The following MYH14 variants were observed in gnomAD, a reference collection of about 807,000 sequenced individuals.
MYH14 encodes the protein myosin heavy chain 14, also known as myosin-14.
In MYH14, 123 loss-of-function variants were observed where a neutral mutation model predicts 255.5. That is an observed-to-expected ratio of 0.48 (90% CI 0.42 to 0.56). The LOEUF is 0.56. Among genes scored for constraint, MYH14 ranks in the 20% least tolerant of loss-of-function variants. The pLI, the probability that MYH14 is intolerant of heterozygous loss-of-function variation, is 0.00. For synonymous variants in MYH14, 1,095 were observed against 1,161.2 expected (o/e 0.94, Z 1.16); for missense variants, 2,423 against 2,802.3 (o/e 0.86, Z 3.06).
intron 40 of MYH14, among the ~76,000 whole-genome samples, chr19:50,306,235 G>A (rs992495026): frequency 2.6e-5 from 4 of 152,022 alleles, no homozygotes; most frequent in Non-Finnish European, 4.4e-5. Context: ...GCTGGAGATC[G>A]TGCCTTTGCA....
chr19:50,253,626 C>G (rs1043596418), intron 16 of MYH14, among the ~76,000 whole-genome samples: 1 of 152,082 alleles, frequency 6.6e-6, no homozygotes, highest in African/African-American at 2.4e-5. Flanking sequence ...GAGGGCTTTC[C>G]TGCCCCCAAA....
rs2048704318 is a variant in MYH14, at chr19:50,310,526, T to A, written c.*736T>A. ...CCTCCAGGCTCTGGCAGAAATAAACTCCAACCCGACTGGACCATCTCTGTG... is the reference window on the plus strand; with the variant it reads ...CCTCCAGGCTCTGGCAGAAATAAACACCAACCCGACTGGACCATCTCTGTG... On this transcript the variant is annotated 3_prime_UTR_variant, in exon 43 of 43. Transcript: ENST00000642316. 1 of 152,348 alleles carries A rather than the reference T, an allele frequency of 6.6e-6. No homozygotes were observed. The highest frequency in any genetic ancestry group is 1.5e-5 in the Non-Finnish European group (1 of 68,292). The allele number at this position is 152,348 out of a possible 1,614,324, so 9.4% of individuals were successfully genotyped here.
At chr19:50,234,710 G>T (rs977667928) in intron 10 of MYH14, among the ~76,000 whole-genome samples, 5 of 152,152 alleles carry the variant, frequency 3.3e-5, no homozygotes, top group African/African-American at 1.2e-4. Context: ...CTTAGGTCCT[G>T]CCTGGCCTCT....
intron 40 of MYH14, among the ~76,000 whole-genome samples, chr19:50,303,451 A>G (rs1464787326): frequency 6.6e-6 from 1 of 152,150 alleles, no homozygotes; most frequent in Non-Finnish European, 1.5e-5. Context: ...TGAGGCCTGC[A>G]CTTGGAACTG....
intron 19 of MYH14, 41 bp downstream of exon 19, chr19:50,259,306 G>A: frequency 1.3e-6 from 2 of 1,549,698 alleles, no homozygotes; most frequent in Non-Finnish European, 8.7e-7. Flanking sequence ...GAGGGGCTGG[G>A]TGGGACCCGG....
chr19:50,244,427 T>C (rs1035493993), intron 11 of MYH14, 90 bp downstream of exon 11: 2 of 942,954 alleles, frequency 2.1e-6, no homozygotes, highest in Non-Finnish European at 1.7e-6. Flanking sequence ...GTAGAGAGCA[T>C]CCCCCTTCCA....
Position 50,293,699 on chromosome 19 carries a change from T to A in MYH14, c.5469+12T>A, listed in dbSNP as rs1201567502. The A allele has an allele frequency of 4.5e-6, 7 of 1,556,748 alleles. No individual in the cohort carries two copies. The highest frequency in any genetic ancestry group is 2.7e-5 in the African/African-American group (2 of 73,536). ...AGCTGCTCCTGCAGGTGAGCGTGAT[T>A]GACCGCCCCCACCAGCCTCAGTCCC... is the stretch of plus-strand genomic sequence containing the variant. On this transcript the variant is annotated intron_variant, in intron 39 of 42. Transcript: ENST00000642316. This position sits in a 1 kb window ranked among gnomAD's most constrained non-coding sequence, Gnocchi z 4.1.
chr19:50,259,062 A>G (rs1329205772), intron 18 of MYH14, 82 bp from the exon 19 acceptor site: 1 of 1,492,642 alleles, frequency 6.7e-7, no homozygotes, highest in African/African-American at 1.4e-5. Flanking sequence ...TTACATGTGG[A>G]AACAGGAAAT....
chr19:50,290,621 G>C (rs2036039205), intron 35 of MYH14, among the ~76,000 whole-genome samples: 1 of 152,194 alleles, frequency 6.6e-6, no homozygotes, highest in Non-Finnish European at 1.5e-5. Context: ...AACCATGGGA[G>C]GGCTATGAGC....
intron 3 of MYH14, among the ~76,000 whole-genome samples, chr19:50,220,022 A>C (rs565751569): frequency 3.9e-4 from 59 of 152,212 alleles, no homozygotes; most frequent in African/African-American, 1.4e-3. Flanking sequence ...GCAACATAAC[A>C]AGACCCTGTC....
At chr19:50,218,544 G>A (rs1156521344) in intron 3 of MYH14, among the ~76,000 whole-genome samples, 2 of 151,962 alleles carry the variant, frequency 1.3e-5, no homozygotes, top group Non-Finnish European at 2.9e-5. Context: ...CTTGCAGTGA[G>A]CCGAGATCGC....
chr19:50,249,187 C>G, intron 13 of MYH14, 48 bp downstream of exon 13: 1 of 1,508,350 alleles, frequency 6.6e-7, no homozygotes, highest in Non-Finnish European at 8.9e-7. Context: ...CACTCCGGTC[C>G]TGGTCCTTTC....
At position 50,230,532 on chromosome 19, in the gene MYH14, G is replaced by A. The variant is rs1440562389; in HGVS notation, c.882G>A (p.Leu294=). ...TTGACTCGCTGTGTCCAGACCTGCT[G>A]GAGAAGTCGCGGGCCATCCGCCAGG... ...IVGANIETYL[L]EKSRAIRQAK... is the part of the protein sequence containing the mutation. Residue 294 remains leucine, a synonymous_variant, in exon 9 of 43, where the codon CTG becomes CTA. Coordinates refer to ENST00000642316, the MANE Select transcript of MYH14 (RefSeq NM_001145809.2). This position sits in a 1 kb window ranked among gnomAD's most constrained non-coding sequence, Gnocchi z 4.7. The A allele has an allele frequency of 6.4e-7, 1 of 1,562,728 alleles. No individual in the cohort carries two copies. The highest frequency in any genetic ancestry group is 8.7e-7 in the Non-Finnish European group (1 of 1,153,998).
intron 25 of MYH14, 139 bp downstream of exon 25, chr19:50,271,685 C>T: frequency 6.8e-7 from 1 of 1,460,796 alleles, no homozygotes; most frequent in Non-Finnish European, 9.3e-7. Context: ...GTCTATAGCC[C>T]CAAGGGAATG....
At chr19:50,275,255 C>T (rs1232687129) in intron 27 of MYH14, among the ~76,000 whole-genome samples, 1 of 152,140 alleles carries the variant, frequency 6.6e-6, no homozygotes, top group Non-Finnish European at 1.5e-5. Context: ...GGTGCTGCCC[C>T]CAGATCCAGC....
At chr19:50,288,219 G>C (rs1376680478) in intron 34 of MYH14, among the ~76,000 whole-genome samples, 1 of 152,234 alleles carries the variant, frequency 6.6e-6, no homozygotes, top group Non-Finnish European at 1.5e-5. Flanking sequence ...TTGAGCTCCT[G>C]AATAGATGCT....
intron 17 of MYH14, among the ~76,000 whole-genome samples, chr19:50,256,759 T>C (rs1441282479): frequency 6.6e-6 from 1 of 152,240 alleles, no homozygotes; most frequent in East Asian, 1.9e-4. Context: ...ATATTGCATA[T>C]AATGCAAGAA....
chr19:50,211,719 T>C (rs2123160670), intron 2 of MYH14, among the ~76,000 whole-genome samples: 1 of 152,016 alleles, frequency 6.6e-6, no homozygotes, highest in South Asian at 2.1e-4. Context: ...TGGTGGTTCA[T>C]GCCTGTAATC....
chr19:50,223,314 T>C lies in MYH14; in HGVS notation c.658T>C (p.Ser220Pro). ...CATCCAGTACCTCGCCCACGTGGCG[T>C]CGTCTCCAAAGGGCAGGAAGGAGCC... Reference protein sequence around the residue: ...KVIQYLAHVASSPKGRKEPGV... With the variant: ...KVIQYLAHVAPSPKGRKEPGV... The change falls in exon 5 of 43, where the codon TCG (serine) becomes CCG (proline). Residue 220 changes from serine to proline, a missense_variant. By Grantham distance (74) the Ser-to-Pro change is moderately conservative. Around this residue, in one of 3 missense-constraint regions of MYH14, gnomAD observed 672 missense variants for 881.8 expected, o/e 0.76. Transcript: ENST00000642316. 1 of 1,590,258 alleles carries C rather than the reference T, an allele frequency of 6.3e-7. No individual in the cohort carries two copies. The highest frequency in any genetic ancestry group is 8.6e-7 in the Non-Finnish European group (1 of 1,168,352).
Sources: allele counts gnomAD v4.1 joint callset (sites outside exome capture counted in the v4.1 genomes callset), GRCh38; gene constraint gnomAD v4.1.1; regional missense constraint gnomAD v4.1.1; non-coding constraint Gnocchi (gnomAD v3.1); transcripts MANE v1.5; gene names NCBI Gene and HGNC (gene_info 2026-07-23, HGNC 2026-07-21).